The following KANSL1L variants were observed in gnomAD, a reference collection of about 807,000 sequenced individuals.
KANSL1L encodes the protein KAT8 regulatory NSL complex subunit 1-like protein.
KANSL1L carries 25 observed loss-of-function variants against 108.6 expected under a neutral mutation model. The observed-to-expected ratio is 0.23, with a 90% CI of 0.17 to 0.32. The LOEUF (loss-of-function observed/expected upper bound fraction) is 0.32, where lower values mean the gene tolerates loss of function less well. KANSL1L is among the 10% of genes least tolerant of loss of function. KANSL1L has a pLI of 1.00. For missense variants in KANSL1L, 1,137 were observed against 1,125.7 expected (o/e 1.01, Z -0.14); for synonymous variants, 405 against 395.1 (o/e 1.03, Z -0.30).
chr2:210,054,162 A>T (rs1198574841), intron 6 of KANSL1L, among the ~76,000 whole-genome samples: 1 of 151,984 alleles, frequency 6.6e-6, no homozygotes, highest in Non-Finnish European at 1.5e-5. Context: ...TTAAAAAAAA[A>T]ATACAAAAAA....
chr2:210,042,682 C>A, intron 7 of KANSL1L, among the ~76,000 whole-genome samples: 1 of 152,070 alleles, frequency 6.6e-6, no homozygotes, highest in East Asian at 1.9e-4. Flanking sequence ...TTAATATATA[C>A]AAGGCTCAGT....
In KANSL1L at chr2:210,022,929, T is replaced by C. The variant is rs867386313; in HGVS notation, c.*20A>G. ...TCCCATCTTTCCTACATTTACATAGTTTTCTTAACCTGTTCCCTGTCACCT... is the reference window on the plus strand; with the variant it reads ...TCCCATCTTTCCTACATTTACATAGCTTTCTTAACCTGTTCCCTGTCACCT... On this transcript the variant is annotated 3_prime_UTR_variant, in exon 15 of 15. Transcript: ENST00000281772. 6.5e-7 allele frequency: 1 copy of C among 1,541,128 alleles called. No homozygotes were observed. The highest frequency in any genetic ancestry group is 1.4e-5 in the African/African-American group (1 of 73,272).
At chr2:210,167,411 A>G (rs1306535839) in intron 1 of KANSL1L, among the ~76,000 whole-genome samples, 1 of 152,070 alleles carries the variant, frequency 6.6e-6, no homozygotes, top group Admixed American at 6.5e-5. Context: ...GGGTGGCTAC[A>G]TAACACATCA....
At chr2:210,029,719 G>A in intron 10 of KANSL1L, 84 bp downstream of exon 10, 2 of 682,402 alleles carry the variant, frequency 2.9e-6, no homozygotes, top group Non-Finnish European at 2.5e-6. Flanking sequence ...GGCTGTTATA[G>A]ATTAGCAAAA....
intron 2 of KANSL1L, among the ~76,000 whole-genome samples, chr2:210,150,950 T>C (rs1286708906): frequency 1.3e-5 from 2 of 152,016 alleles, no homozygotes; most frequent in Non-Finnish European, 2.9e-5. Flanking sequence ...AGACTAAGCA[T>C]TATAGGAAAT....
intron 5 of KANSL1L, among the ~76,000 whole-genome samples, chr2:210,093,660 T>C (rs975713324): frequency 4.6e-5 from 7 of 152,354 alleles, no homozygotes; most frequent in African/African-American, 1.7e-4. Flanking sequence ...TAATATTTGC[T>C]AATTTCTAAT....
intron 6 of KANSL1L, among the ~76,000 whole-genome samples, chr2:210,071,439 T>C (rs2094507156): frequency 6.6e-6 from 1 of 151,872 alleles, no homozygotes; most frequent in African/African-American, 2.4e-5. Context: ...GGCTAATTTT[T>C]GTATTTTTTA....
chr2:210,070,282 G>A (rs1191665646), intron 6 of KANSL1L, among the ~76,000 whole-genome samples: 18 of 125,384 alleles, frequency 1.4e-4, no homozygotes, highest in Admixed American at 1.2e-3. Flanking sequence ...CCAGGCTGGA[G>A]TGCAGTGGCG....
chr2:210,057,160 G>T (rs2094360633), intron 6 of KANSL1L, among the ~76,000 whole-genome samples: 1 of 152,172 alleles, frequency 6.6e-6, no homozygotes, highest in Non-Finnish European at 1.5e-5. Flanking sequence ...CCAGCACTTT[G>T]TGAGGCCAAG....
At chr2:210,164,257 G>A (rs2095375591) in intron 1 of KANSL1L, among the ~76,000 whole-genome samples, 1 of 152,018 alleles carries the variant, frequency 6.6e-6, no homozygotes, top group Admixed American at 6.6e-5. Flanking sequence ...CTATATTTCA[G>A]TCCCCCAATT....
intron 2 of KANSL1L, among the ~76,000 whole-genome samples, chr2:210,135,698 C>T (rs1196675592): frequency 6.6e-6 from 1 of 152,132 alleles, no homozygotes; most frequent in Non-Finnish European, 1.5e-5. Context: ...CCCTGTAAAG[C>T]ATATCTAATT....
chr2:210,033,100 G>A (rs945880932), intron 8 of KANSL1L, among the ~76,000 whole-genome samples: 7 of 152,278 alleles, frequency 4.6e-5, no homozygotes, highest in African/African-American at 7.2e-5. Context: ...GAAAAAGACC[G>A]CAATGGGGTA....
rs1202611015 is a variant in KANSL1L at position 210,059,962 on chromosome 2, C to T, written c.1755+15590G>A. On this transcript the variant is annotated intron_variant, in intron 6 of 14. Transcript: ENST00000281772. ...TTCACCAAGTTAGCCAGGTTGGTCT[C>T]GAATTCCTGACCTCAGGTGATCCAC... Among the ~76,000 whole-genome samples the T allele has an allele frequency of 2.6e-5, 4 of 152,066 alleles. No homozygotes were observed. The South Asian group carries it at 6.2e-4, about 24-fold the overall frequency.
At chr2:210,067,803 T>G (rs568664531) in intron 6 of KANSL1L, among the ~76,000 whole-genome samples, 1 of 151,878 alleles carries the variant, frequency 6.6e-6, no homozygotes. Flanking sequence ...CATTTTCATA[T>G]GTTTATTGGC....
chr2:210,068,066 T>C lies in KANSL1L; in HGVS notation c.1755+7486A>G, dbSNP rs186759224. Among the ~76,000 whole-genome samples, 710 of 152,022 alleles carry C rather than the reference T, an allele frequency of 4.7e-3. 3 individuals carry two copies. Among genetic ancestry groups the C allele is most frequent in the African/African-American group, 0.016 (680 of 41,500 alleles). On this transcript the variant is annotated intron_variant, in intron 6 of 14. Transcript: ENST00000281772. Reference sequence around the variant, plus strand: ...CTAATTTTTGTATTTTTAGTAGAGATGAGGTTTCACCATGTTGGCCAGGCT... The same window carrying C: ...CTAATTTTTGTATTTTTAGTAGAGACGAGGTTTCACCATGTTGGCCAGGCT...
At chr2:210,088,535 T>A (rs1383350648) in intron 5 of KANSL1L, 1 of 152,256 alleles carries the variant, frequency 6.6e-6, no homozygotes, top group Non-Finnish European at 1.5e-5. Context: ...CTTCACAAAT[T>A]GCCTTGATAT....
intron 6 of KANSL1L, among the ~76,000 whole-genome samples, chr2:210,048,045 T>G (rs2094244778): frequency 6.6e-6 from 1 of 152,206 alleles, no homozygotes; most frequent in African/African-American, 2.4e-5. Context: ...GCCACCCTGC[T>G]TATAAGGGAC....
intron 2 of KANSL1L, among the ~76,000 whole-genome samples, chr2:210,135,190 T>C (rs923864053): frequency 6.6e-6 from 1 of 152,140 alleles, no homozygotes; most frequent in African/African-American, 2.4e-5. Context: ...TTAGGAAACT[T>C]GTCTCTTAGT....
chr2:210,107,678 G>A (rs371342851), intron 3 of KANSL1L, among the ~76,000 whole-genome samples: 36 of 151,706 alleles, frequency 2.4e-4, no homozygotes, highest in African/African-American at 6.8e-4. Context: ...ACAGGTGCCC[G>A]CCACCACGCC....
Sources: gnomAD v4.1 joint callset for allele counts (sites outside exome capture counted in the v4.1 genomes callset) on GRCh38, gnomAD v4.1.1 for gene constraint, MANE v1.5 for transcripts, NCBI Gene and HGNC (gene_info 2026-07-23, HGNC 2026-07-21) for gene names.